UTP20: variants seen among roughly 807,000 people sequenced by gnomAD.
UTP20 encodes small subunit processome component 20 homolog.
A neutral mutation model predicts 329.5 loss-of-function variants in UTP20; 164 were observed. The observed-to-expected ratio is 0.50, with a 90% CI of 0.44 to 0.57. UTP20 has a LOEUF of 0.57. Ranked by LOEUF, UTP20 falls within the 20% of genes least tolerant of loss-of-function variation. UTP20 has a pLI of 0.00. For missense variants in UTP20, 3,055 were observed against 3,284.2 expected (o/e 0.93, Z 1.71); for synonymous variants, 1,151 against 1,159.3 (o/e 0.99, Z 0.14).
intron 5 of UTP20, 76 bp from the exon 6 acceptor site, chr12:101,288,884 C>A: frequency 7.7e-7 from 1 of 1,297,548 alleles, no homozygotes; most frequent in Non-Finnish European, 1.1e-6. Flanking sequence ...CATTGTTGCC[C>A]ATATTGTTGA....
chr12:101,283,706 A>T (rs1476140118), intron 2 of UTP20, among the ~76,000 whole-genome samples: 1 of 152,188 alleles, frequency 6.6e-6, no homozygotes, highest in East Asian at 1.9e-4. Flanking sequence ...CAACAAAAAA[A>T]TTTTAATATT....
At position 101,329,403 on chromosome 12, in the gene UTP20, T is replaced by C; in HGVS notation, c.3371T>C (p.Leu1124Pro). Reference protein sequence around the residue: ...AYLPKILQILLCMTATVSHIL... With the variant: ...AYLPKILQILPCMTATVSHIL... ...CTGCCGAAGATTTTGCAGATACTGC[T>C]CTGTATGACAGCAACCGTATCACAC... Residue 1124 changes from leucine to proline, a missense_variant, in exon 27 of 62, where the codon CTC becomes CCC. This residue lies in a region of UTP20 where 2,445 missense variants were observed against 2,575.5 expected (regional missense o/e 0.95). Transcript: ENST00000261637. The C allele has an allele frequency of 6.2e-7, 1 of 1,614,116 alleles. No homozygotes were observed. Among genetic ancestry groups the C allele is most frequent in the Non-Finnish European group, 8.5e-7 (1 of 1,179,988 alleles).
intron 38 of UTP20, among the ~76,000 whole-genome samples, chr12:101,347,326 C>T (rs1223088073): frequency 6.6e-6 from 1 of 151,978 alleles, no homozygotes; most frequent in African/African-American, 2.4e-5. Context: ...AGTTTGAGAC[C>T]AGCCTGGCCA....
intron 43 of UTP20, among the ~76,000 whole-genome samples, chr12:101,359,609 T>C (rs898151524): frequency 2.0e-5 from 3 of 152,170 alleles, no homozygotes; most frequent in Admixed American, 2.0e-4. Context: ...CTTTCTGCAA[T>C]TGAGCTCATC....
At chr12:101,352,283 T>A in intron 39 of UTP20, 89 bp downstream of exon 39, 1 of 1,381,806 alleles carries the variant, frequency 7.2e-7, no homozygotes, top group Non-Finnish European at 9.9e-7. Context: ...CCACATTTTC[T>A]TAATCCAGTC....
At chr12:101,354,391 T>C (rs1869645583) in intron 40 of UTP20, among the ~76,000 whole-genome samples, 1 of 152,048 alleles carries the variant, frequency 6.6e-6, no homozygotes, top group Non-Finnish European at 1.5e-5. Flanking sequence ...TTTCAGCCTA[T>C]ACCAGCTATT....
chr12:101,358,754 G>T (rs1374915688), intron 43 of UTP20, among the ~76,000 whole-genome samples: 5 of 151,728 alleles, frequency 3.3e-5, no homozygotes, highest in African/African-American at 9.7e-5. Flanking sequence ...CCCACATCAG[G>T]CAGATAATGC....
chr12:101,355,289 T>C (rs1203631374), intron 41 of UTP20, among the ~76,000 whole-genome samples, 171 bp downstream of exon 41: 1 of 152,204 alleles, frequency 6.6e-6, no homozygotes, highest in Non-Finnish European at 1.5e-5. Flanking sequence ...TTCAGGCTTA[T>C]CCTGCTGCAA....
chr12:101,313,523 T>G (rs1872863296), intron 21 of UTP20, among the ~76,000 whole-genome samples: 1 of 152,136 alleles, frequency 6.6e-6, no homozygotes, highest in East Asian at 1.9e-4. Context: ...TAGAATGACA[T>G]TGGTGAGAGT....
At chr12:101,290,355 AG>A in intron 7 of UTP20, 81 bp downstream of exon 7, 1 of 1,480,856 alleles carries the variant, frequency 6.8e-7, no homozygotes, top group Admixed American at 2.3e-5. Context: ...AATGATGTGG[AG>A]GGAAGACAGC....
chr12:101,381,421 G>A (rs537275116), intron 58 of UTP20, among the ~76,000 whole-genome samples: 102 of 152,306 alleles, frequency 6.7e-4, no homozygotes, highest in African/African-American at 2.4e-3. Flanking sequence ...TGTAATCCGA[G>A]CTACTTGGGA....
intron 40 of UTP20, among the ~76,000 whole-genome samples, chr12:101,353,699 A>G (rs573247678): frequency 6.6e-6 from 1 of 152,286 alleles, no homozygotes; most frequent in Non-Finnish European, 1.5e-5. Flanking sequence ...GTGAGACCCT[A>G]TGTCTAAAAA....
At chr12:101,309,963 T>A (rs528285444) in intron 19 of UTP20, 124 bp downstream of exon 19, 2 of 786,138 alleles carry the variant, frequency 2.5e-6, no homozygotes, top group Non-Finnish European at 4.0e-6. Context: ...TACAGTACTT[T>A]AAATCCTTTG....
chr12:101,365,685 G>A (rs1195372129), intron 46 of UTP20, 60 bp downstream of exon 46: 2 of 1,379,502 alleles, frequency 1.4e-6, no homozygotes, highest in Admixed American at 5.9e-5. Context: ...GCCATTCTGT[G>A]GGTTGTTTTA....
At chr12:101,286,625 T>G (rs762199644) in intron 5 of UTP20, 116 bp downstream of exon 5, 10 of 848,488 alleles carry the variant, frequency 1.2e-5, no homozygotes, top group Non-Finnish European at 1.7e-6. Context: ...ATGTACAAAG[T>G]TGATTCTCCA....
At chr12:101,286,029 A>G (rs1172954119) in intron 4 of UTP20, 148 bp downstream of exon 4, 1 of 1,173,222 alleles carries the variant, frequency 8.5e-7, no homozygotes, top group Non-Finnish European at 1.2e-6. Context: ...TAAGTGCATT[A>G]CCATAAAGTG....
At chr12:101,310,577 CAAAA>C (rs549641642) in intron 19 of UTP20, among the ~76,000 whole-genome samples, 10 of 44,380 alleles carry the variant, frequency 2.3e-4, no homozygotes, top group African/African-American at 6.6e-4. Context: ...CTCTGTCTCC[CAAAA>C]AAAAAAAAAA....
At chr12:101,300,126 A>G in intron 14 of UTP20, 65 bp downstream of exon 14, 1 of 1,439,636 alleles carries the variant, frequency 6.9e-7, no homozygotes, top group Non-Finnish European at 9.8e-7. Flanking sequence ...AATTGTAAAC[A>G]CATGAGCTAT....
At chr12:101,310,480 C>T (rs1324095948) in intron 19 of UTP20, among the ~76,000 whole-genome samples, 1 of 148,750 alleles carries the variant, frequency 6.7e-6, no homozygotes, top group Non-Finnish European at 1.5e-5. Flanking sequence ...GAGGCTGAGG[C>T]AGGAGAATCA....
Sources: allele counts gnomAD v4.1 joint callset (sites outside exome capture counted in the v4.1 genomes callset), GRCh38; gene constraint gnomAD v4.1.1; regional missense constraint gnomAD v4.1.1; transcripts MANE v1.5; gene names NCBI Gene and HGNC (gene_info 2026-07-23, HGNC 2026-07-21).